The following FOXN3 variants were observed in gnomAD, a reference collection of about 807,000 sequenced individuals.
The protein encoded by FOXN3 is forkhead box protein N3.
A neutral mutation model predicts 38.4 loss-of-function variants in FOXN3; 7 were observed. That is an observed-to-expected ratio of 0.18 (90% confidence interval 0.10 to 0.34). The LOEUF is 0.34. Among genes scored for constraint, FOXN3 ranks in the 10% least tolerant of loss-of-function variants. The probability of loss-of-function intolerance (pLI) is 1.00; values close to 1 mark genes in which losing one functional copy is unlikely to be tolerated. For synonymous variants in FOXN3, 230 were observed against 242.2 expected (o/e 0.95, Z 0.47); for missense variants, 456 against 613.4 (o/e 0.74, Z 2.71).
chr14:89,250,354 T>C (rs1885418013), intron 4 of FOXN3, among the ~76,000 whole-genome samples: 1 of 152,220 alleles, frequency 6.6e-6, no homozygotes, highest in Non-Finnish European at 1.5e-5. Flanking sequence ...CAAGCAATTA[T>C]CCTGCCTCAG....
At chr14:89,250,443 A>G (rs865788537) in intron 4 of FOXN3, among the ~76,000 whole-genome samples, 49 of 152,348 alleles carry the variant, frequency 3.2e-4, no homozygotes, top group Middle Eastern at 3.4e-3. Context: ...GCATAAACAT[A>G]TAAGAATATC....
At chr14:89,592,887 G>T (rs1164627272) in intron 1 of FOXN3, among the ~76,000 whole-genome samples, 3 of 152,110 alleles carry the variant, frequency 2.0e-5, no homozygotes, top group Non-Finnish European at 4.4e-5. Context: ...GGCCAAATTA[G>T]AACAGGAAAA....
intron 4 of FOXN3, among the ~76,000 whole-genome samples, chr14:89,193,410 AAACCTTAAAG>A (rs1888015422): frequency 6.6e-6 from 1 of 152,182 alleles, no homozygotes; most frequent in East Asian, 1.9e-4. Flanking sequence ...GAGAGAAAGA[AAACCTTAAAG>A]GAAAAGTATT....
intron 1 of FOXN3, among the ~76,000 whole-genome samples, chr14:89,485,009 G>A (rs534610897): frequency 1.0e-3 from 158 of 152,054 alleles, no homozygotes; most frequent in Middle Eastern, 0.01. Context: ...AAAATTAGCC[G>A]GGCGTGGTGG....
At chr14:89,266,696 C>T (rs537149615) in intron 4 of FOXN3, among the ~76,000 whole-genome samples, 1 of 152,166 alleles carries the variant, frequency 6.6e-6, no homozygotes, top group South Asian at 2.1e-4. Flanking sequence ...CCTGCCATGG[C>T]GAATGAGCTC....
At chr14:89,297,227 G>A (rs1167688438) in intron 3 of FOXN3, among the ~76,000 whole-genome samples, 1 of 152,114 alleles carries the variant, frequency 6.6e-6, no homozygotes, top group Non-Finnish European at 1.5e-5. Flanking sequence ...CCTTAAAATG[G>A]TGCAGGCACT....
chr14:89,543,797 T>C (rs1894834854), intron 1 of FOXN3, among the ~76,000 whole-genome samples: 1 of 152,164 alleles, frequency 6.6e-6, no homozygotes, highest in South Asian at 2.1e-4. Flanking sequence ...GACTAACTTA[T>C]CAGAAACACT....
intron 2 of FOXN3, among the ~76,000 whole-genome samples, chr14:89,352,194 G>T (rs1395560050): frequency 6.6e-6 from 1 of 152,200 alleles, no homozygotes; most frequent in African/African-American, 2.4e-5. Flanking sequence ...AAACATCAAT[G>T]TTCTCAGTTT....
chr14:89,348,591 C>T (rs1888843428), intron 3 of FOXN3, among the ~76,000 whole-genome samples: 2 of 152,114 alleles, frequency 1.3e-5, no homozygotes, highest in Admixed American at 1.3e-4. Context: ...TCTGTCATCT[C>T]CCTCCACCGC....
intron 4 of FOXN3, among the ~76,000 whole-genome samples, chr14:89,243,472 T>C (rs1486932599): frequency 3.3e-5 from 5 of 152,202 alleles, no homozygotes; most frequent in African/African-American, 1.2e-4. Context: ...GCTGGGTGGA[T>C]AGCAACATTT....
At chr14:89,271,708 G>A (rs185387318) in intron 4 of FOXN3, among the ~76,000 whole-genome samples, 75 of 152,218 alleles carry the variant, frequency 4.9e-4, no homozygotes, top group African/African-American at 1.6e-3. Context: ...GTGTAGGAAC[G>A]AGGAGGGAAA....
chr14:89,170,108 A>G (rs186547220), intron 5 of FOXN3, among the ~76,000 whole-genome samples: 42 of 152,368 alleles, frequency 2.8e-4, no homozygotes, highest in African/African-American at 8.7e-4. Context: ...GGCAAAAATC[A>G]TTACTCCAGA....
intron 1 of FOXN3, among the ~76,000 whole-genome samples, chr14:89,436,622 T>C (rs1464535418): frequency 6.6e-6 from 1 of 152,194 alleles, no homozygotes; most frequent in Non-Finnish European, 1.5e-5. Flanking sequence ...GATCCCCCTG[T>C]CGTTTAGACA....
chr14:89,241,869 T>G (rs1289231799), intron 4 of FOXN3, among the ~76,000 whole-genome samples: 1 of 152,106 alleles, frequency 6.6e-6, no homozygotes, highest in African/African-American at 2.4e-5. Context: ...CCACTCGCAA[T>G]GGGGGGCCTC....
intron 1 of FOXN3, among the ~76,000 whole-genome samples, chr14:89,582,415 A>C (rs776768837): frequency 7.2e-5 from 11 of 152,140 alleles, no homozygotes; most frequent in Non-Finnish European, 1.3e-4. Context: ...TGAATAGAGG[A>C]ATAGCCAACT....
intron 4 of FOXN3, among the ~76,000 whole-genome samples, chr14:89,261,368 C>T (rs983463504): frequency 6.6e-6 from 1 of 152,196 alleles, no homozygotes; most frequent in Non-Finnish European, 1.5e-5. Flanking sequence ...AGCAGAAACG[C>T]TGGGACTCAA....
intron 2 of FOXN3, chr14:89,353,828 C>T (rs1889080875): frequency 6.6e-6 from 1 of 152,034 alleles, no homozygotes; most frequent in Non-Finnish European, 1.5e-5. Context: ...CTCCCAGGTT[C>T]AAGTGATTCT....
In FOXN3 at chr14:89,161,442, C is replaced by T. The variant is rs1887096469; in HGVS notation, c.*972G>A. Reference sequence around the variant, plus strand: ...TTTGATAGACAGAAAAAGATCTGTACCATTATTTCCTTTCCTTAACAGCTA... The same window carrying T: ...TTTGATAGACAGAAAAAGATCTGTATCATTATTTCCTTTCCTTAACAGCTA... On this transcript the variant is annotated 3_prime_UTR_variant, in exon 6 of 6. Coordinates refer to ENST00000557258, the MANE Select transcript of FOXN3 (RefSeq NM_005197.4). The T allele has an allele frequency of 6.8e-6, 1 of 147,552 alleles. No individual in the cohort carries two copies. Among genetic ancestry groups the T allele is most frequent in the Non-Finnish European group, 1.5e-5 (1 of 67,378 alleles). The allele number at this position is 147,552 out of a possible 1,614,324, so 9.1% of individuals were successfully genotyped here.
At chr14:89,178,195 G>C (rs1192385183) in intron 5 of FOXN3, among the ~76,000 whole-genome samples, 2 of 149,900 alleles carry the variant, frequency 1.3e-5, no homozygotes, top group Non-Finnish European at 1.5e-5. Flanking sequence ...TTTTTAAATA[G>C]AGATAAGTTT....
Sources: gnomAD v4.1 joint callset for allele counts (sites outside exome capture counted in the v4.1 genomes callset) on GRCh38, gnomAD v4.1.1 for gene constraint, MANE v1.5 for transcripts, NCBI Gene and HGNC (gene_info 2026-07-23, HGNC 2026-07-21) for gene names.